The following PLAC1 variants were observed in gnomAD, a reference collection of about 807,000 sequenced individuals.
PLAC1 encodes placenta associated 1, also known as placenta-specific protein 1.
For missense variants in PLAC1, 136 were observed against 163.2 expected (o/e 0.83, Z 0.91); for synonymous variants, 68 against 62.1 (o/e 1.09, Z -0.44).
At chrX:134,691,690 CCTCA>C (rs1363817674) in intron 2 of PLAC1, among the ~76,000 whole-genome samples, 2 of 111,752 alleles carry the variant, frequency 1.8e-5, no homozygotes, top group African/African-American at 6.5e-5. Context: ...TCGTGTATGA[CCTCA>C]CTTACACCTT....
chrX:134,602,472 A>G (rs767476243), intron 1 of PLAC1, among the ~76,000 whole-genome samples: 14 of 112,676 alleles, frequency 1.2e-4, no homozygotes, highest in African/African-American at 4.5e-4. Flanking sequence ...AGACCTACTT[A>G]CTATATAGTG....
At chrX:134,569,654 T>A (rs1394214103) in intron 2 of PLAC1, among the ~76,000 whole-genome samples, 6 of 110,022 alleles carry the variant, frequency 5.5e-5, no homozygotes, top group African/African-American at 2.0e-4. Context: ...ACTTTGAGAC[T>A]TACTCCTTCT....
intron 1 of PLAC1, among the ~76,000 whole-genome samples, chrX:134,652,990 G>A (rs970661605): frequency 1.8e-5 from 2 of 112,263 alleles, no homozygotes; most frequent in African/African-American, 6.5e-5. Context: ...GTGTCCCTGG[G>A]CTAGCAGGCT....
intron 1 of PLAC1, among the ~76,000 whole-genome samples, chrX:134,633,798 G>A (rs909820816): frequency 1.8e-5 from 2 of 111,734 alleles, no homozygotes; most frequent in African/African-American, 6.5e-5. Context: ...TAGGAAAATT[G>A]TACCATATTT....
At chrX:134,634,904 C>T (rs1413726670) in intron 1 of PLAC1, among the ~76,000 whole-genome samples, 1 of 111,824 alleles carries the variant, frequency 8.9e-6, no homozygotes, top group Non-Finnish European at 1.9e-5. Flanking sequence ...ACTGCTGAGT[C>T]ATATGGTAAC....
intron 2 of PLAC1, among the ~76,000 whole-genome samples, chrX:134,680,600 AAACT>A (rs770834272): frequency 0.019 from 1,952 of 102,745 alleles, 26 homozygotes; most frequent in Middle Eastern, 0.03. Flanking sequence ...AAACTAAACT[AAACT>A]AAACACCTTC....
chrX:134,585,364 T>A (rs777090779), intron 2 of PLAC1, among the ~76,000 whole-genome samples: 8 of 108,550 alleles, frequency 7.4e-5, no homozygotes, highest in South Asian at 4.0e-4. Context: ...TTTTTTTTTT[T>A]AAAAAGAGAA....
intron 2 of PLAC1, among the ~76,000 whole-genome samples, chrX:134,569,770 G>T (rs956107065): frequency 3.1e-4 from 32 of 104,790 alleles, no homozygotes; most frequent in African/African-American, 9.6e-4. Context: ...GTGTGTGTGT[G>T]TGTGTGTGTG....
intron 2 of PLAC1, among the ~76,000 whole-genome samples, chrX:134,596,345 C>A (rs1226813322): frequency 8.9e-6 from 1 of 111,878 alleles, no homozygotes; most frequent in Non-Finnish European, 1.9e-5. Flanking sequence ...CATTGCTGTT[C>A]TGTTTAGATA....
intron 1 of PLAC1, among the ~76,000 whole-genome samples, chrX:134,638,063 C>CT (rs1321976750): frequency 1.8e-5 from 2 of 111,889 alleles, no homozygotes; most frequent in East Asian, 5.6e-4. Context: ...TTTAAATGTC[C>CT]TTTTTTGGTT....
chrX:134,674,909 C>T (rs1304345806), intron 2 of PLAC1, among the ~76,000 whole-genome samples: 1 of 112,550 alleles, frequency 8.9e-6, no homozygotes, highest in Non-Finnish European at 1.9e-5. Context: ...ACAAAAAGAA[C>T]ACAGGACAGG....
chrX:134,744,054 C>A (rs376120766), intron 1 of PLAC1, among the ~76,000 whole-genome samples: 3 of 111,548 alleles, frequency 2.7e-5, no homozygotes, highest in Non-Finnish European at 5.7e-5. Flanking sequence ...GAGGCCGAGG[C>A]GGGTGGATCA....
At chrX:134,568,627 G>GT (rs1325162995) in intron 2 of PLAC1, among the ~76,000 whole-genome samples, 22 of 110,828 alleles carry the variant, frequency 2.0e-4, no homozygotes, top group Admixed American at 1.7e-3. Flanking sequence ...ACTTTTTTGG[G>GT]TTTTTTTCAC....
At chrX:134,712,697 A>G (rs2078631574) in intron 2 of PLAC1, among the ~76,000 whole-genome samples, 1 of 111,277 alleles carries the variant, frequency 9.0e-6, no homozygotes, top group Non-Finnish European at 1.9e-5. Flanking sequence ...CAAGCTCTGA[A>G]AAGCCGTATC....
chrX:134,669,209 T>A (rs1017681325), intron 2 of PLAC1, among the ~76,000 whole-genome samples: 2 of 111,976 alleles, frequency 1.8e-5, no homozygotes, highest in African/African-American at 3.3e-5. Context: ...TCCGCCCACA[T>A]CTCTGGAGTG....
intron 1 of PLAC1, among the ~76,000 whole-genome samples, chrX:134,642,901 T>A (rs2078313727): frequency 3.0e-5 from 3 of 99,627 alleles, no homozygotes; most frequent in Non-Finnish European, 4.1e-5. Flanking sequence ...CACTCAAGAG[T>A]AAAAAGAGGC....
At chrX:134,754,137 G>A (rs2147852674) in intron 1 of PLAC1, among the ~76,000 whole-genome samples, 1 of 111,907 alleles carries the variant, frequency 8.9e-6, no homozygotes, top group East Asian at 2.8e-4. Context: ...TATCCAATGA[G>A]CATATGGTAC....
chrX:134,720,120 T>C (rs1317393332), intron 2 of PLAC1, among the ~76,000 whole-genome samples: 1 of 111,187 alleles, frequency 9.0e-6, no homozygotes, highest in African/African-American at 3.2e-5. Context: ...CACAAAAAAC[T>C]ATTAGAGCTA....
At chrX:134,576,366 GTC>G (rs1387958208) in intron 2 of PLAC1, among the ~76,000 whole-genome samples, 7 of 109,022 alleles carry the variant, frequency 6.4e-5, no homozygotes, top group Admixed American at 9.9e-5. Context: ...GTAAAACCCT[GTC>G]TCTACTAAAA....
Sources: allele counts gnomAD v4.1 joint callset (sites outside exome capture counted in the v4.1 genomes callset), GRCh38; gene constraint gnomAD v4.1.1; transcripts MANE v1.5; gene names NCBI Gene and HGNC (gene_info 2026-07-23, HGNC 2026-07-21).